The following GRIN2B variants were observed in gnomAD, a reference collection of about 807,000 sequenced individuals.
The protein encoded by GRIN2B is glutamate ionotropic receptor NMDA type subunit 2B, also known as glutamate receptor ionotropic, NMDA 2B.
GRIN2B carries 5 observed loss-of-function variants against 114.5 expected under a neutral mutation model. The observed-to-expected ratio is 0.04, with a 90% confidence interval of 0.02 to 0.09. The LOEUF (loss-of-function observed/expected upper bound fraction) is 0.09, where lower values mean the gene tolerates loss of function less well. Among genes scored for constraint, GRIN2B ranks in the 10% least tolerant of loss-of-function variants. The probability of loss-of-function intolerance (pLI) is 1.00; values close to 1 mark genes in which losing one functional copy is unlikely to be tolerated. For missense variants in GRIN2B, 1,108 were observed against 1,943.5 expected, an observed-to-expected ratio of 0.57 and a Z score of 8.08; for synonymous variants, 787 against 745.1, an observed-to-expected ratio of 1.06 and a Z score of -0.92.
At chr12:13,591,369 C>T (rs1302272207) in intron 10 of GRIN2B, among the ~76,000 whole-genome samples, 1 of 152,162 alleles carries the variant, frequency 6.6e-6, no homozygotes, top group African/African-American at 2.4e-5. Flanking sequence ...TAGGACGTGA[C>T]CACTAATATT....
chr12:13,746,654 C>G (rs1234416860), intron 4 of GRIN2B, among the ~76,000 whole-genome samples: 3 of 152,170 alleles, frequency 2.0e-5, no homozygotes, highest in Non-Finnish European at 2.9e-5. Context: ...TTTGTCCCCC[C>G]CAAATCCCAT....
rs1204486085 is a variant in GRIN2B at position 13,557,531 on chromosome 12, C to G, written c.*5252G>C. The G allele has an allele frequency of 6.6e-6, 1 of 152,182 alleles. No homozygotes were observed. The highest frequency in any genetic ancestry group is 1.5e-5 in the Non-Finnish European group (1 of 68,034). 9.4% of individuals were successfully genotyped at this position (152,182 alleles called of 1,614,324 possible). ...CATGTAATGGAGGAGAAGCATCACT[C>G]TTCTATTTTCTATGGAAAGAATCAT... On this transcript the variant is annotated 3_prime_UTR_variant, in exon 14 of 14. Coordinates refer to ENST00000609686, the MANE Select transcript of GRIN2B (RefSeq NM_000834.5).
rs201889168 is a variant in GRIN2B, at chr12:13,563,392, A to G, written c.3846T>C (p.Pro1282=). ...GGGCCTTGGAATTAGTCGGGCTCTG[A>G]GGGTACTTAGTGGTGGAGGCGTTTG... ...VTSNASTTKY[P]QSPTNSKAQK... Residue 1282 remains proline, a synonymous_variant, in exon 14 of 14, where the codon CCT becomes CCC. Transcript: ENST00000609686. 3 of 1,613,898 alleles carry G rather than the reference A, an allele frequency of 1.9e-6. No homozygotes were observed. The highest frequency in any genetic ancestry group is 2.2e-5 in the East Asian group (1 of 44,886).
chr12:13,707,052 T>A (rs908916459), intron 4 of GRIN2B, among the ~76,000 whole-genome samples: 3 of 152,086 alleles, frequency 2.0e-5, no homozygotes, highest in African/African-American at 7.2e-5. Flanking sequence ...CTTTTCTGTT[T>A]AAAGGTCTTA....
chr12:13,633,755 A>G (rs1366570942), intron 5 of GRIN2B, among the ~76,000 whole-genome samples: 2 of 152,352 alleles, frequency 1.3e-5, no homozygotes, highest in East Asian at 3.9e-4. Flanking sequence ...GAAGATGCAT[A>G]TAATAGTGAA....
At chr12:13,948,421 G>A (rs1867406803) in intron 2 of GRIN2B, among the ~76,000 whole-genome samples, 2 of 152,176 alleles carry the variant, frequency 1.3e-5, no homozygotes. Context: ...AAATAGCAAG[G>A]AAGTCCTATT....
intron 3 of GRIN2B, among the ~76,000 whole-genome samples, chr12:13,778,676 C>T (rs374660488): frequency 2.0e-5 from 3 of 152,178 alleles, no homozygotes; most frequent in South Asian, 2.1e-4. Context: ...TCATCAAGAA[C>T]GATCTTACTT....
chr12:13,953,149 A>G (rs533174685), intron 2 of GRIN2B, among the ~76,000 whole-genome samples: 4 of 152,170 alleles, frequency 2.6e-5, no homozygotes, highest in East Asian at 1.9e-4. Flanking sequence ...GTACCTACAC[A>G]TGACCTGTCT....
At chr12:13,718,946 A>G (rs765688358) in intron 4 of GRIN2B, among the ~76,000 whole-genome samples, 17 of 152,066 alleles carry the variant, frequency 1.1e-4, no homozygotes, top group Non-Finnish European at 1.6e-4. Flanking sequence ...AAAATATACC[A>G]AAGCACTGAC....
chr12:13,616,306 G>T, intron 6 of GRIN2B, 149 bp downstream of exon 6: 1 of 695,948 alleles, frequency 1.4e-6, no homozygotes, highest in Non-Finnish European at 2.6e-6. Flanking sequence ...AGACCAGAGG[G>T]CTGCCAGTAA....
At chr12:13,838,565 A>C (rs897676028) in intron 3 of GRIN2B, among the ~76,000 whole-genome samples, 1 of 151,924 alleles carries the variant, frequency 6.6e-6, no homozygotes, top group African/African-American at 2.4e-5. Context: ...TTCCTACACT[A>C]TCTGTCTCTT....
chr12:13,709,172 GAGA>G (rs1950391794), intron 4 of GRIN2B, among the ~76,000 whole-genome samples: 1 of 151,970 alleles, frequency 6.6e-6, no homozygotes, highest in Admixed American at 6.6e-5. Context: ...CAGGCAGATT[GAGA>G]AGAACACCAG....
chr12:13,678,258 C>A (rs530663232), intron 4 of GRIN2B, among the ~76,000 whole-genome samples: 1 of 152,190 alleles, frequency 6.6e-6, no homozygotes, highest in African/African-American at 2.4e-5. Context: ...GGTAGCAGTT[C>A]TCCTGTCCAG....
chr12:13,818,215 T>C (rs2136690835), intron 3 of GRIN2B, among the ~76,000 whole-genome samples: 1 of 152,308 alleles, frequency 6.6e-6, no homozygotes, highest in East Asian at 1.9e-4. Context: ...GGAAAAGAAC[T>C]GAATCGTCCC....
chr12:13,661,602 A>C (rs1949923880), intron 5 of GRIN2B, among the ~76,000 whole-genome samples: 1 of 152,310 alleles, frequency 6.6e-6, no homozygotes, highest in Non-Finnish European at 1.5e-5. Context: ...TTAGATTTTA[A>C]GCAGGGAATG....
Position 13,615,644 on chromosome 12 carries a change from G to A in GRIN2B, c.1349C>T (p.Pro450Leu), listed in dbSNP as rs201566587. The stretch of plus-strand genomic sequence containing the variant: ...CTTGCAGCATTTTTTGATGTAACCC[G>A]GCTCCTCGTCTGTTTTATTCCTAGC... ...IVTENKTDEEPGYIKKCCKGF... is the reference protein window; with the variant it reads ...IVTENKTDEELGYIKKCCKGF... The change falls in exon 7 of 14, where the codon CCG (proline) becomes CTG (leucine). Residue 450 changes from proline to leucine, a missense_variant. Physicochemically the swap from Pro to Leu is moderately conservative, Grantham distance 98. Around this residue, in one of 19 missense-constraint regions of GRIN2B, gnomAD observed 26 missense variants for 23.5 expected, o/e 1.11. Transcript: ENST00000609686. The surrounding 1 kb of genome is among the most constrained non-coding windows in gnomAD (Gnocchi z 5.8). 14 of 1,613,176 alleles carry A rather than the reference G, an allele frequency of 8.7e-6. No individual in the cohort carries two copies. The highest frequency in any genetic ancestry group is 4.5e-5 in the East Asian group (2 of 44,876).
chr12:13,929,756 T>C (rs1866988720), intron 2 of GRIN2B, among the ~76,000 whole-genome samples: 2 of 152,184 alleles, frequency 1.3e-5, no homozygotes, highest in Non-Finnish European at 2.9e-5. Flanking sequence ...GGTAAACTAC[T>C]TCACTTCCTT....
chr12:13,801,591 A>C (rs1231647591), intron 3 of GRIN2B, among the ~76,000 whole-genome samples: 2 of 152,148 alleles, frequency 1.3e-5, no homozygotes, highest in African/African-American at 4.8e-5. Flanking sequence ...CTCAATAAGA[A>C]ATACAGCAAG....
At chr12:13,656,209 A>C in intron 5 of GRIN2B, among the ~76,000 whole-genome samples, 1 of 152,286 alleles carries the variant, frequency 6.6e-6, no homozygotes, top group Middle Eastern at 3.4e-3. Context: ...TAATTTCAAA[A>C]TATAAAAAGG....
Sources: allele counts gnomAD v4.1 joint callset (sites outside exome capture counted in the v4.1 genomes callset), GRCh38; gene constraint gnomAD v4.1.1; regional missense constraint gnomAD v4.1.1; non-coding constraint Gnocchi (gnomAD v3.1); transcripts MANE v1.5; gene names NCBI Gene and HGNC (gene_info 2026-07-23, HGNC 2026-07-21).